The following ADGRL3 variants were observed in gnomAD, a reference collection of about 807,000 sequenced individuals.
ADGRL3 encodes adhesion G protein-coupled receptor L3.
ADGRL3 carries 62 observed loss-of-function variants against 153.5 expected under a neutral mutation model. The ratio of observed to expected loss-of-function variants is 0.40; its 90% CI spans 0.33 to 0.50. The LOEUF (loss-of-function observed/expected upper bound fraction) is 0.50. ADGRL3 is among the 20% of genes least tolerant of loss of function. The pLI, the probability that ADGRL3 is intolerant of heterozygous loss-of-function variation, is 0.47. For synonymous variants in ADGRL3, 710 were observed against 672.5 expected (o/e 1.06, Z -0.86); for missense variants, 1,641 against 1,859.4 (o/e 0.88, Z 2.16).
intron 6 of ADGRL3, among the ~76,000 whole-genome samples, chr4:61,678,709 T>C (rs1283699637): frequency 6.6e-6 from 1 of 151,970 alleles, no homozygotes; most frequent in Non-Finnish European, 1.5e-5. Flanking sequence ...AAAATATTTA[T>C]CTAATAATTT....
At chr4:61,645,250 CTG>C (rs1176739686) in intron 5 of ADGRL3, among the ~76,000 whole-genome samples, 2 of 152,106 alleles carry the variant, frequency 1.3e-5, no homozygotes, top group Non-Finnish European at 2.9e-5. Flanking sequence ...ATTTGCCAGT[CTG>C]TGTCTTTTAA....
chr4:61,401,918 A>C (rs2096934326), intron 2 of ADGRL3, among the ~76,000 whole-genome samples: 1 of 152,048 alleles, frequency 6.6e-6, no homozygotes, highest in Admixed American at 6.6e-5. Flanking sequence ...CTTTTGAGTA[A>C]AGGGCCAGAT....
At chr4:61,801,145 A>C (rs1817052) in intron 8 of ADGRL3, among the ~76,000 whole-genome samples, 72,743 of 151,970 alleles carry the variant, frequency 0.48, 17,870 homozygotes, top group East Asian at 0.62. Context: ...TCTTCTGTAA[A>C]GATAATCTAC....
chr4:61,401,353 G>A lies in ADGRL3; in HGVS notation c.-174+18164G>A, dbSNP rs375893430. Among the ~76,000 whole-genome samples, 13 of 151,906 alleles carry A rather than the reference G, an allele frequency of 8.6e-5. No homozygotes were observed. In the East Asian group the frequency reaches 1.7e-3, roughly 20 times the overall value. ...ATATATGTGGAGAACATTTATTTTT[G>A]AAGAACACATTTAGCCCAGAGATAA... is the stretch of plus-strand genomic sequence containing the variant. On this transcript the variant is annotated intron_variant, in intron 2 of 26. Coordinates refer to ENST00000683033, the MANE Select transcript of ADGRL3 (RefSeq NM_001387552.1).
At chr4:61,948,401 G>A in intron 17 of ADGRL3, 125 bp downstream of exon 17, 1 of 629,160 alleles carries the variant, frequency 1.6e-6, no homozygotes, top group East Asian at 3.0e-5. Context: ...TTCTATTAAG[G>A]AACTCTCTGA....
At chr4:61,225,703 G>C (rs1419071953) in intron 1 of ADGRL3, among the ~76,000 whole-genome samples, 8 of 152,080 alleles carry the variant, frequency 5.3e-5, no homozygotes, top group South Asian at 2.1e-4. Context: ...ACTTCCTTCT[G>C]CTCTTTCAGT....
chr4:61,352,021 T>C (rs2096061546), intron 1 of ADGRL3, among the ~76,000 whole-genome samples: 1 of 152,172 alleles, frequency 6.6e-6, no homozygotes, highest in South Asian at 2.1e-4. Context: ...ATTGAAAACC[T>C]TCTAGAAAGG....
chr4:61,657,789 T>A, intron 5 of ADGRL3, among the ~76,000 whole-genome samples: 1 of 152,230 alleles, frequency 6.6e-6, no homozygotes, highest in East Asian at 1.9e-4. Context: ...CAGACATATC[T>A]GTTAGAAAAC....
intron 2 of ADGRL3, among the ~76,000 whole-genome samples, chr4:61,409,355 AATATATTATATATATAAGAC>A (rs1460959542): frequency 1.5e-4 from 5 of 34,266 alleles, no homozygotes; most frequent in Non-Finnish European, 3.0e-4. Context: ...ATAGATATAT[AATATATTATATATATAAGAC>A]ATATATTATA....
intron 9 of ADGRL3, among the ~76,000 whole-genome samples, chr4:61,865,119 G>C (rs968046533): frequency 6.6e-6 from 1 of 152,164 alleles, no homozygotes; most frequent in South Asian, 2.1e-4. Context: ...CATAAACTAC[G>C]AAATAAAATT....
chr4:61,741,159 A>G (rs1249602806), intron 8 of ADGRL3, among the ~76,000 whole-genome samples: 2 of 152,166 alleles, frequency 1.3e-5, no homozygotes, highest in African/African-American at 2.4e-5. Flanking sequence ...TGAAACTGCC[A>G]CGTGTTTAAT....
intron 9 of ADGRL3, among the ~76,000 whole-genome samples, chr4:61,859,584 A>T (rs1339474413): frequency 6.6e-6 from 1 of 152,202 alleles, no homozygotes; most frequent in African/African-American, 2.4e-5. Context: ...TTTACAATGT[A>T]TAAGTTGTCC....
In ADGRL3 at chr4:62,051,075, GTA is replaced by G. The variant is rs529763504; in HGVS notation, c.3814+6537_3814+6538del. On this transcript the variant is annotated intron_variant, in intron 25 of 26. Coordinates refer to ENST00000683033, the MANE Select transcript of ADGRL3 (RefSeq NM_001387552.1). ...TGAGGCAACAGCGTTCTGTGTGTGT[GTA>G]TATATATATACACAAAGGATATATA... Among the ~76,000 whole-genome samples the G allele has an allele frequency of 1.9e-3, 282 of 148,154 alleles. 9 individuals carry two copies. The South Asian group carries it at 0.057, about 30-fold the overall frequency.
chr4:61,389,079 C>G (rs1020489901), intron 2 of ADGRL3, among the ~76,000 whole-genome samples: 6 of 152,096 alleles, frequency 3.9e-5, no homozygotes, highest in Non-Finnish European at 8.8e-5. Flanking sequence ...GCACCATTGG[C>G]TTTGCTCATG....
intron 6 of ADGRL3, among the ~76,000 whole-genome samples, chr4:61,726,862 G>T (rs2096357597): frequency 6.6e-6 from 1 of 151,956 alleles, no homozygotes; most frequent in African/African-American, 2.4e-5. Flanking sequence ...GTAACATTCT[G>T]CATTGTAAAT....
At chr4:61,928,562 T>A (rs1581501711) in intron 13 of ADGRL3, among the ~76,000 whole-genome samples, 1 of 152,174 alleles carries the variant, frequency 6.6e-6, no homozygotes, top group African/African-American at 2.4e-5. Flanking sequence ...ATAATACGTA[T>A]CTAATGAAAT....
rs541575765 is a variant in ADGRL3, at chr4:61,435,277, A to T, written c.-174+52088A>T. 3.9e-5 allele frequency among the ~76,000 whole-genome samples: 6 copies of T among 152,218 alleles called. No homozygotes were observed. In the East Asian group the frequency reaches 1.2e-3, roughly 29 times the overall value. ...GTGAATAATTGACATTGCCATTCATAAAAATTTTTTGTAATAGAAGTATGT... is the reference window on the plus strand; with the variant it reads ...GTGAATAATTGACATTGCCATTCATTAAAATTTTTTGTAATAGAAGTATGT... On this transcript the variant is annotated intron_variant, in intron 2 of 26. Coordinates refer to ENST00000683033, the MANE Select transcript of ADGRL3 (RefSeq NM_001387552.1).
At chr4:61,797,272 T>C (rs575548156) in intron 8 of ADGRL3, among the ~76,000 whole-genome samples, 43 of 152,288 alleles carry the variant, frequency 2.8e-4, no homozygotes, top group African/African-American at 1.0e-3. Context: ...CATTTTATTA[T>C]GTATGAAGAC....
At position 62,075,312 on chromosome 4, in the gene ADGRL3, C is replaced by A; in HGVS notation, c.*4404C>A. The A allele has an allele frequency of 6.6e-6, 1 of 151,974 alleles. No individual in the cohort carries two copies. The highest frequency in any genetic ancestry group is 1.9e-4 in the East Asian group (1 of 5,170). The allele number at this position is 151,974 out of a possible 1,614,324, so 9.4% of individuals were successfully genotyped here. On this transcript the variant is annotated 3_prime_UTR_variant, in exon 27 of 27. Coordinates refer to ENST00000683033, the MANE Select transcript of ADGRL3 (RefSeq NM_001387552.1). ...GTGATCCTGCTGTCTCAGCCTTCTG[C>A]GTAGCCATGATCACAGGTTTGAGCC...
Sources: gnomAD v4.1 joint callset for allele counts (sites outside exome capture counted in the v4.1 genomes callset) on GRCh38, gnomAD v4.1.1 for gene constraint, MANE v1.5 for transcripts, NCBI Gene and HGNC (gene_info 2026-07-23, HGNC 2026-07-21) for gene names.